The following RGS6 variants were observed in gnomAD, a reference collection of about 807,000 sequenced individuals.
The protein encoded by RGS6 is regulator of G protein signaling 6.
In RGS6, 30 loss-of-function variants were observed where a neutral mutation model predicts 78.5. That is an observed-to-expected ratio of 0.38 (90% CI 0.29 to 0.52). The LOEUF (loss-of-function observed/expected upper bound fraction) is 0.52. Among genes scored for constraint, RGS6 ranks in the 20% least tolerant of loss-of-function variants. The pLI is 0.85. For synonymous variants in RGS6, 206 were observed against 206.0 expected (o/e 1.00, Z 0.00); for missense variants, 495 against 609.7 (o/e 0.81, Z 1.98).
intron 3 of RGS6, among the ~76,000 whole-genome samples, chr14:72,423,283 A>T (rs2094284992): frequency 6.6e-6 from 1 of 152,150 alleles, no homozygotes; most frequent in South Asian, 2.1e-4. Context: ...TTCCACCCAT[A>T]TGTCCCCCCA....
At chr14:72,187,301 T>C (rs1250163026) in intron 2 of RGS6, among the ~76,000 whole-genome samples, 1 of 152,230 alleles carries the variant, frequency 6.6e-6, no homozygotes, top group African/African-American at 2.4e-5. Context: ...TAAAATGCTA[T>C]TGGCACAAAG....
At chr14:72,140,262 G>T (rs1242806960) in intron 2 of RGS6, among the ~76,000 whole-genome samples, 1 of 152,184 alleles carries the variant, frequency 6.6e-6, no homozygotes, top group African/African-American at 2.4e-5. Flanking sequence ...TCTCCTGTAG[G>T]AAGAGAAGGA....
intron 2 of RGS6, among the ~76,000 whole-genome samples, chr14:72,108,758 C>CT (rs1358181061): frequency 9.9e-5 from 15 of 152,090 alleles, no homozygotes; most frequent in African/African-American, 3.1e-4. Flanking sequence ...TATTTCTGAA[C>CT]TTTTTCTAGT....
At chr14:71,936,020 A>ATATATATATATATATG (rs2089160050) in intron 1 of RGS6, among the ~76,000 whole-genome samples, 1 of 121,146 alleles carries the variant, frequency 8.3e-6, no homozygotes, top group African/African-American at 3.3e-5. Context: ...AATAGGATAT[A>ATATATATATATATATG]TATATATATA....
chr14:72,615,926 T>C, the RGS6 span, among the ~76,000 whole-genome samples: 3 of 152,238 alleles, frequency 2.0e-5, no homozygotes, highest in Non-Finnish European at 4.4e-5. Context: ...CTCACCTCTC[T>C]GGTTTGCTGG....
At chr14:72,407,195 G>C (rs1359954527) in intron 3 of RGS6, among the ~76,000 whole-genome samples, 1 of 152,196 alleles carries the variant, frequency 6.6e-6, no homozygotes, top group Non-Finnish European at 1.5e-5. Context: ...TGTGGTAAAA[G>C]AATGATAGTT....
At chr14:71,898,491 T>C in the RGS6 span, among the ~76,000 whole-genome samples, 1 of 152,230 alleles carries the variant, frequency 6.6e-6, no homozygotes, top group Non-Finnish European at 1.5e-5. Context: ...TCCTAAAATA[T>C]GTAGGTACAC....
intron 3 of RGS6, among the ~76,000 whole-genome samples, chr14:72,453,442 C>T (rs1355543183): frequency 1.3e-5 from 2 of 149,508 alleles, no homozygotes; most frequent in Non-Finnish European, 3.0e-5. Flanking sequence ...GGTGAAACCC[C>T]GTCTCTACTA....
intron 2 of RGS6, among the ~76,000 whole-genome samples, chr14:72,129,886 C>T (rs1272430556): frequency 1.3e-5 from 2 of 152,150 alleles, no homozygotes; most frequent in African/African-American, 2.4e-5. Flanking sequence ...GTTTTCCCAT[C>T]GATAACTGGT....
At chr14:72,426,959 C>T (rs1270273575) in intron 3 of RGS6, among the ~76,000 whole-genome samples, 1 of 152,212 alleles carries the variant, frequency 6.6e-6, no homozygotes, top group African/African-American at 2.4e-5. Flanking sequence ...GATGTTTGTG[C>T]TTAGAATCCA....
chr14:71,973,723 A>G (rs1595473051), intron 2 of RGS6, among the ~76,000 whole-genome samples: 1 of 152,162 alleles, frequency 6.6e-6, no homozygotes, highest in East Asian at 1.9e-4. Context: ...TAACTAATTT[A>G]ATTGTTCAGT....
At chr14:71,980,046 G>C (rs1236258990) in intron 2 of RGS6, among the ~76,000 whole-genome samples, 1 of 138,448 alleles carries the variant, frequency 7.2e-6, no homozygotes, top group Non-Finnish European at 1.5e-5. Flanking sequence ...GATCTTTGTT[G>C]GTTTAAAGTC....
downstream of RGS6, among the ~76,000 whole-genome samples, chr14:72,567,941 G>A (rs2097715696): frequency 6.6e-6 from 1 of 152,222 alleles, no homozygotes; most frequent in Non-Finnish European, 1.5e-5. Context: ...GGGGTTACTG[G>A]ATCTGCCCCA....
rs191686573 is a variant in RGS6 at position 72,447,732 on chromosome 14, C to T, written c.185-6796C>T. ...TTTCTTTATTTTTGAGACGGAGTTT[C>T]GCTCTTGTTTCCCAGGCTGCAGTGC... On this transcript the variant is annotated intron_variant, in intron 3 of 17. Coordinates refer to ENST00000553525, the MANE Select transcript of RGS6 (RefSeq NM_001204424.2). Among the ~76,000 whole-genome samples the T allele has an allele frequency of 3.8e-3, 572 of 152,294 alleles. 2 individuals are homozygous for T. The highest frequency in any genetic ancestry group is 5.4e-3 in the Non-Finnish European group (365 of 68,034).
the RGS6 span, among the ~76,000 whole-genome samples, chr14:71,893,508 T>C: frequency 6.6e-6 from 1 of 152,282 alleles, no homozygotes; most frequent in East Asian, 1.9e-4. Flanking sequence ...ACCACCATGC[T>C]AAATAGTAGA....
intron 2 of RGS6, among the ~76,000 whole-genome samples, chr14:72,058,960 G>A (rs2153430963): frequency 6.6e-6 from 1 of 152,268 alleles, no homozygotes. Flanking sequence ...ATGGAGTACA[G>A]TGGTGTGATC....
At chr14:71,884,122 G>A in the RGS6 span, among the ~76,000 whole-genome samples, 1 of 152,110 alleles carries the variant, frequency 6.6e-6, no homozygotes, top group East Asian at 1.9e-4. Context: ...TCTGGTTTGG[G>A]ACCCCTTTCC....
chr14:72,371,091 C>G (rs1480478391), intron 3 of RGS6, among the ~76,000 whole-genome samples: 2 of 152,174 alleles, frequency 1.3e-5, no homozygotes, highest in Non-Finnish European at 2.9e-5. Flanking sequence ...CTGAAAATGA[C>G]AGTGCTTAAT....
chr14:72,581,421 C>G, the RGS6 span, among the ~76,000 whole-genome samples: 1 of 152,166 alleles, frequency 6.6e-6, no homozygotes, highest in African/African-American at 2.4e-5. Context: ...CAGCTCCCAC[C>G]ACGACAGCTC....
Sources: allele counts gnomAD v4.1 joint callset (sites outside exome capture counted in the v4.1 genomes callset), GRCh38; gene constraint gnomAD v4.1.1; transcripts MANE v1.5; gene names NCBI Gene and HGNC (gene_info 2026-07-23, HGNC 2026-07-21).